VAV1: variants seen among roughly 807,000 people sequenced by gnomAD.
The protein encoded by VAV1 is vav guanine nucleotide exchange factor 1, also known as proto-oncogene vav.
Under a neutral mutation model 128.1 loss-of-function variants are expected in VAV1, and 33 were observed. That is an observed-to-expected ratio of 0.26 (90% CI 0.20 to 0.34). VAV1 has a LOEUF of 0.34. VAV1 is among the 10% of genes least tolerant of loss of function. The pLI is 1.00. For missense variants in VAV1, 715 were observed against 1,093.7 expected (o/e 0.65, Z 4.88); for synonymous variants, 394 against 409.8 (o/e 0.96, Z 0.47).
chr19:6,828,885 G>A lies in VAV1; in HGVS notation c.1250G>A (p.Arg417His). 7 of 1,614,102 alleles carry A rather than the reference G, an allele frequency of 4.3e-6. No individual in the cohort carries two copies. Among genetic ancestry groups the A allele is most frequent in the Non-Finnish European group, 5.9e-6 (7 of 1,180,036 alleles). ...CTCAAGATCACCTCGGTGGAACGGCGCTCCAAGATGGACAGGTGGGTGGAG... is the reference window on the plus strand; with the variant it reads ...CTCAAGATCACCTCGGTGGAACGGCACTCCAAGATGGACAGGTGGGTGGAG... ...GELKITSVER[R>H]SKMDRYAFLL... Residue 417 changes from arginine (R) to histidine (H), a missense_variant, in exon 13 of 27, where the codon CGC becomes CAC. Transcript: ENST00000602142. The surrounding 1 kb of genome is among the most constrained non-coding windows in gnomAD (Gnocchi z 4.5).
intron 1 of VAV1, among the ~76,000 whole-genome samples, chr19:6,782,849 G>C (rs1411005129): frequency 3.3e-5 from 5 of 151,402 alleles, no homozygotes; most frequent in Admixed American, 6.6e-5. Context: ...CGCCGCTGCA[G>C]TCCAGCCCGG....
intron 1 of VAV1, among the ~76,000 whole-genome samples, chr19:6,800,507 T>C (rs1971241608): frequency 6.6e-6 from 1 of 152,006 alleles, no homozygotes; most frequent in Admixed American, 6.6e-5. Flanking sequence ...CAGGTTTCAC[T>C]ATATGTTGGC....
intron 25 of VAV1, 70 bp downstream of exon 25, chr19:6,853,149 C>T: frequency 7.2e-7 from 1 of 1,383,144 alleles, no homozygotes; most frequent in Non-Finnish European, 1.0e-6. Context: ...TTTGGGGATG[C>T]CATTGACACC....
At chr19:6,833,478 C>T in intron 16 of VAV1, 50 bp from the exon 17 acceptor site, 1 of 1,523,460 alleles carries the variant, frequency 6.6e-7, no homozygotes, top group Non-Finnish European at 8.9e-7. Flanking sequence ...AATATTTGGC[C>T]CTGTCTGTAA....
chr19:6,808,645 G>A (rs12610223), intron 1 of VAV1, among the ~76,000 whole-genome samples: 110,539 of 152,062 alleles, frequency 0.73, 42,579 homozygotes, highest in South Asian at 0.85. Flanking sequence ...CAGATAAAGG[G>A]GCTAGAATGT....
rs577800852 is a variant in VAV1 at position 6,854,193 on chromosome 19, C to G, written c.2484+95C>G. On this transcript the variant is annotated intron_variant, in intron 26 of 26. Coordinates refer to ENST00000602142, the MANE Select transcript of VAV1 (RefSeq NM_005428.4). ...GGGGACTGGAGAAGGTGAGGTGCGG[C>G]TCCCATGGAGATCTCTCACGGTGGG... The G allele has an allele frequency of 7.4e-5, 110 of 1,492,270 alleles. 1 individual carries two copies. The South Asian group carries it at 1.2e-3, about 17-fold the overall frequency. 92.4% of individuals were successfully genotyped at this position (1,492,270 alleles called of 1,614,324 possible).
At position 6,848,050 on chromosome 19, in the gene VAV1, T is replaced by G; in HGVS notation, c.2065T>G (p.Ser689Ala). The G allele has an allele frequency of 6.5e-7, 1 of 1,539,294 alleles. No homozygotes were observed. The highest frequency in any genetic ancestry group is 8.7e-7 in the Non-Finnish European group (1 of 1,151,584). Residue 689 changes from serine (S) to alanine (A), a missense_variant, in exon 23 of 27, where the codon TCG (serine) becomes GCG (alanine). Around this residue, in one of 3 missense-constraint regions of VAV1, gnomAD observed 407 missense variants for 580.6 expected, o/e 0.70. Transcript: ENST00000602142. ...GGCAGAGAGCATCCTGGCCAACCGC[T>G]CGGACGGGACTTTCTTGGTGCGGCA... ...AGAESILANR[S>A]DGTFLVRQRV...
chr19:6,788,447 A>G (rs1426519356), intron 1 of VAV1, among the ~76,000 whole-genome samples: 1 of 151,660 alleles, frequency 6.6e-6, no homozygotes, highest in East Asian at 1.9e-4. Flanking sequence ...ATCTCGGCTC[A>G]GTGCAACCTC....
Position 6,822,801 on chromosome 19 carries a change from A to G in VAV1, c.654+287A>G, listed in dbSNP as rs912893841. 2.0e-5 allele frequency among the ~76,000 whole-genome samples: 3 copies of G among 147,824 alleles called. No homozygotes were observed. Among genetic ancestry groups the G allele is most frequent in the Non-Finnish European group, 4.5e-5 (3 of 67,042 alleles). On this transcript the variant is annotated intron_variant, in intron 6 of 26. Coordinates refer to ENST00000602142, the MANE Select transcript of VAV1 (RefSeq NM_005428.4). This position sits in a 1 kb window ranked among gnomAD's most constrained non-coding sequence, Gnocchi z 5.9. ...AAAATAAATACAAAATCAAAAATAT[A>G]TAAATATATTAAACATATACATAAA...
At chr19:6,821,575 G>C (rs200700855) in intron 2 of VAV1, 47 bp from the exon 3 acceptor site, 1 of 1,610,026 alleles carries the variant, frequency 6.2e-7, no homozygotes, top group African/African-American at 1.3e-5. Context: ...GTGTTCTGCC[G>C]TGGGGGTGTA....
chr19:6,852,256 C>T (rs1447065744), intron 24 of VAV1, among the ~76,000 whole-genome samples: 4 of 152,170 alleles, frequency 2.6e-5, no homozygotes, highest in Non-Finnish European at 5.9e-5. Flanking sequence ...TTCAAGTGAA[C>T]TTCCCACCTT....
At chr19:6,792,978 G>A (rs1166879708) in intron 1 of VAV1, among the ~76,000 whole-genome samples, 1 of 152,084 alleles carries the variant, frequency 6.6e-6, no homozygotes, top group African/African-American at 2.4e-5. Context: ...CAGTTGTGTG[G>A]GGGGTCCAGG....
At chr19:6,827,929 G>T (rs1196075122) in intron 9 of VAV1, 147 bp from the exon 10 acceptor site, 2 of 648,610 alleles carry the variant, frequency 3.1e-6, no homozygotes, top group Non-Finnish European at 5.4e-6. Context: ...CTTGGGGGCA[G>T]ATATGATGCT....
At chr19:6,803,931 G>A (rs1012416143) in intron 1 of VAV1, among the ~76,000 whole-genome samples, 1 of 152,064 alleles carries the variant, frequency 6.6e-6, no homozygotes, top group Non-Finnish European at 1.5e-5. Context: ...GAAGAGACAC[G>A]CAGGAACCCC....
intron 1 of VAV1, among the ~76,000 whole-genome samples, 169 bp downstream of exon 1, chr19:6,773,180 G>T (rs1291903681): frequency 1.3e-5 from 2 of 152,174 alleles, no homozygotes; most frequent in Non-Finnish European, 2.9e-5. Flanking sequence ...AGATTCTGGG[G>T]TGGCCTCCCC....
intron 1 of VAV1, among the ~76,000 whole-genome samples, chr19:6,793,342 AG>A (rs375757140): frequency 2.0e-5 from 3 of 152,010 alleles, no homozygotes; most frequent in African/African-American, 2.4e-5. Flanking sequence ...TCAAAAAGAA[AG>A]AAAGAAAGAA....
intron 13 of VAV1, among the ~76,000 whole-genome samples, chr19:6,829,273 G>C (rs1426937361): frequency 6.6e-6 from 1 of 151,824 alleles, no homozygotes; most frequent in Non-Finnish European, 1.5e-5. Flanking sequence ...ATCTGTGGTG[G>C]AGCCTGGGTA....
intron 25 of VAV1, 104 bp downstream of exon 25, chr19:6,853,183 C>A: frequency 1.2e-6 from 1 of 818,298 alleles, no homozygotes; most frequent in South Asian, 1.6e-5. Context: ...TTGCAGAGGT[C>A]ATATCTGTGC....
Position 6,776,077 on chromosome 19 carries a change from T to TATCCATCCATCC in VAV1, c.204+3102_204+3113dup, listed in dbSNP as rs56806852. On this transcript the variant is annotated intron_variant, in intron 1 of 26. Coordinates refer to ENST00000602142, the MANE Select transcript of VAV1 (RefSeq NM_005428.4). ...CCATCTACCCATCCATCCATCCATT[T>TATCCATCCATCC]ATCCATCCATCCATCCATCCATCCA... Among the ~76,000 whole-genome samples, 828 of 129,272 alleles carry TATCCATCCATCC rather than the reference T, an allele frequency of 6.4e-3. 4 individuals are homozygous for TATCCATCCATCC. Among genetic ancestry groups the TATCCATCCATCC allele is most frequent in the Middle Eastern group, 0.042 (10 of 236 alleles). 84.8% of individuals were successfully genotyped at this position (129,272 alleles called of 152,430 possible).
Sources: allele counts gnomAD v4.1 joint callset (sites outside exome capture counted in the v4.1 genomes callset), GRCh38; gene constraint gnomAD v4.1.1; regional missense constraint gnomAD v4.1.1; non-coding constraint Gnocchi (gnomAD v3.1); transcripts MANE v1.5; gene names NCBI Gene and HGNC (gene_info 2026-07-23, HGNC 2026-07-21).